The following VPS53 variants were observed in gnomAD, a reference collection of about 807,000 sequenced individuals.
VPS53 encodes VPS53 subunit of GARP complex.
VPS53 carries 70 observed loss-of-function variants against 107.0 expected under a neutral mutation model. The observed-to-expected ratio is 0.65, with a 90% confidence interval of 0.54 to 0.80. The LOEUF (loss-of-function observed/expected upper bound fraction) is 0.80. Among genes scored for constraint, VPS53 ranks in the 30% least tolerant of loss-of-function variants. The probability of loss-of-function intolerance (pLI) is 0.00; values close to 1 mark genes in which losing one functional copy is unlikely to be tolerated. For synonymous variants in VPS53, 409 were observed against 393.3 expected (o/e 1.04, Z -0.47); for missense variants, 917 against 1,049.4 (o/e 0.87, Z 1.74).
At chr17:666,561 G>A (rs1971698396) in intron 4 of VPS53, among the ~76,000 whole-genome samples, 1 of 152,188 alleles carries the variant, frequency 6.6e-6, no homozygotes, top group African/African-American at 2.4e-5. Context: ...CTACTCAGGA[G>A]GCTGAGACAG....
intron 4 of VPS53, among the ~76,000 whole-genome samples, chr17:679,467 T>C (rs369621968): frequency 4.6e-5 from 7 of 151,976 alleles, no homozygotes; most frequent in African/African-American, 1.2e-4. Context: ...TGAGCCGAGA[T>C]TGCGCCACTG....
At chr17:598,077 T>C (rs1204336061) in intron 12 of VPS53, among the ~76,000 whole-genome samples, 1 of 152,104 alleles carries the variant, frequency 6.6e-6, no homozygotes, top group Non-Finnish European at 1.5e-5. Context: ...CCCTGCCTGA[T>C]TCTCCTGACT....
At chr17:703,007 A>G (rs2143961091) in intron 2 of VPS53, among the ~76,000 whole-genome samples, 1 of 152,284 alleles carries the variant, frequency 6.6e-6, no homozygotes, top group Middle Eastern at 3.4e-3. Flanking sequence ...GCAGTTCAAG[A>G]CCAGTCTCTG....
chr17:709,337 G>C (rs963704472), intron 2 of VPS53, among the ~76,000 whole-genome samples: 1 of 152,188 alleles, frequency 6.6e-6, no homozygotes. Flanking sequence ...ATAAGACCAA[G>C]ACCAGATTTG....
intron 13 of VPS53, among the ~76,000 whole-genome samples, chr17:574,210 C>T (rs941641207): frequency 6.6e-6 from 1 of 152,184 alleles, no homozygotes; most frequent in South Asian, 2.1e-4. Context: ...CTGCTCCTTC[C>T]TTAGTGCTGC....
chr17:616,946 T>C (rs893229065), intron 11 of VPS53, among the ~76,000 whole-genome samples: 8 of 152,336 alleles, frequency 5.3e-5, no homozygotes, highest in African/African-American at 1.4e-4. Flanking sequence ...TGTTCCTCTG[T>C]GGTCCTATAG....
intron 4 of VPS53, among the ~76,000 whole-genome samples, chr17:690,027 T>C (rs1972725192): frequency 6.6e-6 from 1 of 152,120 alleles, no homozygotes; most frequent in Non-Finnish European, 1.5e-5. Context: ...GTCTGGCACT[T>C]TGCGCTGAAG....
At position 642,747 on chromosome 17, in the gene VPS53, C is replaced by A. The variant is rs571910165; in HGVS notation, c.608+10544G>T. ...AACACTCATACTTGGAAAGCGAGGACAACACTCATACTTGGAAAGCGAGGA... is the reference window on the plus strand; with the variant it reads ...AACACTCATACTTGGAAAGCGAGGAAAACACTCATACTTGGAAAGCGAGGA... On this transcript the variant is annotated intron_variant, in intron 7 of 21. Transcript: ENST00000437048. Among the ~76,000 whole-genome samples the A allele has an allele frequency of 1.3e-4, 19 of 151,368 alleles. No individual in the cohort carries two copies. In the South Asian group the frequency reaches 3.2e-3, roughly 25 times the overall value.
At chr17:630,332 G>A (rs1275859500) in intron 8 of VPS53, among the ~76,000 whole-genome samples, 2 of 151,198 alleles carry the variant, frequency 1.3e-5, no homozygotes, top group Non-Finnish European at 2.9e-5. Context: ...AACCTGAAAC[G>A]GGCAGCTGAG....
intron 12 of VPS53, among the ~76,000 whole-genome samples, chr17:600,274 G>A (rs771738441): frequency 5.3e-5 from 8 of 152,252 alleles, no homozygotes; most frequent in African/African-American, 1.2e-4. Context: ...GCACAATTTC[G>A]GACATGACCA....
rs1442740969 is a variant in VPS53 at position 516,629 on chromosome 17, T to G, written c.*2499A>C. On this transcript the variant is annotated 3_prime_UTR_variant, in exon 22 of 22. Transcript: ENST00000437048. ...CGCCCGCCTCAGCCTCCCCAAGTGC[T>G]GGGATTCCAGGCGTGAGCCACGGCG... The G allele has an allele frequency of 6.6e-6, 1 of 152,294 alleles. No individual in the cohort carries two copies. Among genetic ancestry groups the G allele is most frequent in the Non-Finnish European group, 1.5e-5 (1 of 68,086 alleles). 9.4% of individuals were successfully genotyped at this position (152,294 alleles called of 1,614,324 possible).
intron 1 of VPS53, among the ~76,000 whole-genome samples, chr17:713,870 G>A (rs1450937133): frequency 2.2e-5 from 3 of 137,396 alleles, no homozygotes; most frequent in Non-Finnish European, 4.7e-5. Context: ...TGAAACCCCC[G>A]TCTTTACCCC....
chr17:633,515 AT>A (rs1012674123), intron 7 of VPS53, among the ~76,000 whole-genome samples: 1 of 152,004 alleles, frequency 6.6e-6, no homozygotes, highest in South Asian at 2.1e-4. Flanking sequence ...ACCTGCTGAG[AT>A]TTTTTTTCAG....
At position 634,966 on chromosome 17, in the gene VPS53, G is replaced by A. The variant is rs533021809; in HGVS notation, c.609-3338C>T. Reference sequence around the variant, plus strand: ...TCTAGTTCTAGATCCTTGAGGAATCGCCACACTGTCCTCCACAATGGTTGA... The same window carrying A: ...TCTAGTTCTAGATCCTTGAGGAATCACCACACTGTCCTCCACAATGGTTGA... On this transcript the variant is annotated intron_variant, in intron 7 of 21. Coordinates refer to ENST00000437048, the MANE Select transcript of VPS53 (RefSeq NM_001128159.3). Among the ~76,000 whole-genome samples the A allele has an allele frequency of 2.7e-3, 418 of 152,162 alleles. 2 individuals are homozygous for A. The highest frequency in any genetic ancestry group is 3.6e-3 in the Non-Finnish European group (248 of 68,006).
In VPS53 at chr17:622,536, G is replaced by A. The variant is rs181448589; in HGVS notation, c.1116+997C>T. 9.5e-4 allele frequency among the ~76,000 whole-genome samples: 144 copies of A among 152,222 alleles called. 2 individuals carry two copies. The highest frequency in any genetic ancestry group is 3.4e-3 in the African/African-American group (141 of 41,520). On this transcript the variant is annotated intron_variant, in intron 11 of 21. Coordinates refer to ENST00000437048, the MANE Select transcript of VPS53 (RefSeq NM_001128159.3). Reference sequence around the variant, plus strand: ...TACACTCTGCACGACTCGAGGAGACGGATGAGTCAGCTACAATTCCTGTAT... The same window carrying A: ...TACACTCTGCACGACTCGAGGAGACAGATGAGTCAGCTACAATTCCTGTAT...
intron 6 of VPS53, 139 bp from the exon 7 acceptor site, chr17:653,549 G>A: frequency 1.5e-6 from 2 of 1,336,936 alleles, no homozygotes; most frequent in South Asian, 1.5e-5. Flanking sequence ...TATATAAGCT[G>A]CTGTGCGTTG....
intron 13 of VPS53, among the ~76,000 whole-genome samples, chr17:568,636 C>G (rs1280920898): frequency 6.6e-6 from 1 of 152,164 alleles, no homozygotes; most frequent in Non-Finnish European, 1.5e-5. Context: ...TCTGGTGTGG[C>G]CAGTGGGGCT....
intron 13 of VPS53, among the ~76,000 whole-genome samples, chr17:581,921 C>T (rs958185418): frequency 1.3e-5 from 2 of 151,022 alleles, no homozygotes; most frequent in East Asian, 2.0e-4. Context: ...CAGATAACCT[C>T]CCTGAGGACC....
At chr17:564,229 T>A (rs1189766704) in intron 13 of VPS53, among the ~76,000 whole-genome samples, 1 of 152,054 alleles carries the variant, frequency 6.6e-6, no homozygotes, top group Non-Finnish European at 1.5e-5. Context: ...ACCCCGTCTC[T>A]ACTAAAAATA....
Sources: gnomAD v4.1 joint callset for allele counts (sites outside exome capture counted in the v4.1 genomes callset) on GRCh38, gnomAD v4.1.1 for gene constraint, MANE v1.5 for transcripts, NCBI Gene and HGNC (gene_info 2026-07-23, HGNC 2026-07-21) for gene names.